The following CCDC187 variants were observed in gnomAD, a reference collection of about 807,000 sequenced individuals.
CCDC187 encodes the protein coiled-coil domain-containing protein 187.
A neutral mutation model predicts 38.0 loss-of-function variants in CCDC187; 32 were observed. That is an observed-to-expected ratio of 0.84 (90% CI 0.64 to 1.13). The LOEUF (loss-of-function observed/expected upper bound fraction) is 1.13. CCDC187 is among the 50% of genes most tolerant of loss of function. The pLI, the probability that CCDC187 is intolerant of heterozygous loss-of-function variation, is 0.00. For missense variants in CCDC187, 707 were observed against 786.8 expected (o/e 0.90, Z 1.21); for synonymous variants, 333 against 347.9 (o/e 0.96, Z 0.48).
At chr9:136,279,482 G>T (rs1830998176) in intron 10 of CCDC187, among the ~76,000 whole-genome samples, 4 of 152,204 alleles carry the variant, frequency 2.6e-5, no homozygotes, top group Admixed American at 2.6e-4. Context: ...GCCCCTTCAG[G>T]CTGCCCCTTC....
chr9:136,296,511 G>A (rs1831538757), intron 4 of CCDC187: 2 of 152,364 alleles, frequency 1.3e-5, no homozygotes, highest in Non-Finnish European at 2.9e-5. Context: ...TGGAAACTCT[G>A]TGAACCTCGG....
chr9:136,253,531 G>T lies in CCDC187; in HGVS notation c.*63C>A. On this transcript the variant is annotated 3_prime_UTR_variant, in exon 26 of 26. Coordinates refer to ENST00000638797, the MANE Select transcript of CCDC187 (RefSeq NM_001378188.1). Reference sequence around the variant, plus strand: ...CGGCCTCATCCCCTGCTGCAGAACTGCATCTACCCAACTGGTCGTCAACGC... The same window carrying T: ...CGGCCTCATCCCCTGCTGCAGAACTTCATCTACCCAACTGGTCGTCAACGC... The T allele has an allele frequency of 1.1e-6, 1 of 899,314 alleles. No homozygotes were observed. Among genetic ancestry groups the T allele is most frequent in the Non-Finnish European group, 1.3e-6 (1 of 751,314 alleles). The allele number at this position is 899,314 out of a possible 1,614,324, so 55.7% of individuals were successfully genotyped here. A position where few individuals can be genotyped will look rare whatever the true frequency, so the allele number is the denominator to read the frequency against.
chr9:136,285,437 AGGTGGG>A, intron 9 of CCDC187, 70 bp downstream of exon 9: 1 of 31,250 alleles, frequency 3.2e-5, no homozygotes, highest in African/African-American at 1.6e-4. Context: ...GCAGGTGGGC[AGGTGGG>A]CAGGTGGGCA....
chr9:136,283,054 G>A (rs1831084029), intron 9 of CCDC187, among the ~76,000 whole-genome samples: 2 of 152,178 alleles, frequency 1.3e-5, no homozygotes, highest in Non-Finnish European at 2.9e-5. Flanking sequence ...TTCGAGACCA[G>A]CCTGGCCAAT....
In CCDC187 at chr9:136,257,614, C is replaced by G. The variant is rs1830630274; in HGVS notation, c.4367-773G>C. ...ACGGGTGGGGCCACCGCAGAGCCCT[C>G]CCCAGGAGCACCAGGCCCCCCAGCA... is the stretch of plus-strand genomic sequence containing the variant. On this transcript the variant is annotated intron_variant, in intron 22 of 25. Coordinates refer to ENST00000638797, the MANE Select transcript of CCDC187 (RefSeq NM_001378188.1). This position sits in a 1 kb window ranked among gnomAD's most constrained non-coding sequence, Gnocchi z 4.5. Among the ~76,000 whole-genome samples the G allele has an allele frequency of 6.6e-6, 1 of 152,154 alleles. No homozygotes were observed. Among genetic ancestry groups the G allele is most frequent in the Admixed American group, 6.5e-5 (1 of 15,286 alleles).
At chr9:136,271,367 A>G (rs542843717) in intron 14 of CCDC187, among the ~76,000 whole-genome samples, 180 of 151,960 alleles carry the variant, frequency 1.2e-3, no homozygotes, top group African/African-American at 4.3e-3. Flanking sequence ...ACAAAAATAC[A>G]AAAATTAGCC....
At chr9:136,279,655 G>A (rs1404728913) in intron 10 of CCDC187, among the ~76,000 whole-genome samples, 4 of 152,228 alleles carry the variant, frequency 2.6e-5, no homozygotes, top group Non-Finnish European at 4.4e-5. Flanking sequence ...GTGGGAGAAC[G>A]GAGCCCCATC....
At chr9:136,259,546 G>T in intron 20 of CCDC187, 98 bp from the exon 21 acceptor site, 1 of 467,088 alleles carries the variant, frequency 2.1e-6, no homozygotes, top group Non-Finnish European at 2.8e-6. Context: ...GCCAGGGGGT[G>T]GGGGATGGGG....
At chr9:136,304,847 C>A (rs1421243147), upstream of CCDC187, among the ~76,000 whole-genome samples, 1 of 152,206 alleles carries the variant, frequency 6.6e-6, no homozygotes, top group Non-Finnish European at 1.5e-5. Context: ...TTAAGTTGAC[C>A]CTTCCCAAGT....
intron 6 of CCDC187, 31 bp downstream of exon 6, chr9:136,290,455 C>T (rs1183740036): frequency 4.0e-5 from 16 of 398,118 alleles, no homozygotes; most frequent in Admixed American, 4.0e-4. Flanking sequence ...ATGGCTGAGC[C>T]GAGTCCCCCC....
In CCDC187 at chr9:136,258,887, T is replaced by C; in HGVS notation, c.4366+45A>G. Reference sequence around the variant, plus strand: ...CAGGCTCTGCTGGATGTGGGGGAAGTGTCTGGCGCCGTGGAGGCCCACGCG... The same window carrying C: ...CAGGCTCTGCTGGATGTGGGGGAAGCGTCTGGCGCCGTGGAGGCCCACGCG... On this transcript the variant is annotated intron_variant, in intron 22 of 25. Transcript: ENST00000638797. The surrounding 1 kb of genome is among the most constrained non-coding windows in gnomAD (Gnocchi z 4.3). The C allele has an allele frequency of 3.0e-6, 3 of 985,404 alleles. No homozygotes were observed. The highest frequency in any genetic ancestry group is 3.6e-6 in the Non-Finnish European group (3 of 829,990). The allele number at this position is 985,404 out of a possible 1,614,324, so 61.0% of individuals were successfully genotyped here.
rs1227305702 is a variant in CCDC187, at chr9:136,290,756, C to G, written c.1857G>C (p.Thr619=). The change falls in exon 6 of 26, where the codon ACG becomes ACC. Residue 619 remains threonine, a synonymous_variant. Coordinates refer to ENST00000638797, the MANE Select transcript of CCDC187 (RefSeq NM_001378188.1). ...PQNPLGKEKD[T]LRPCPRSRGL... is the part of the protein sequence containing the mutation. ...CCCGGGACCTGGGGCAGGGCCGCAG[C>G]GTGTCCTTCTCCTTCCCAAGTGGGT... The G allele has an allele frequency of 2.5e-6, 1 of 398,418 alleles. No homozygotes were observed. 24.7% of individuals were successfully genotyped at this position (398,418 alleles called of 1,614,324 possible).
intron 10 of CCDC187, among the ~76,000 whole-genome samples, chr9:136,279,769 C>T (rs2131238351): frequency 6.6e-6 from 1 of 152,356 alleles, no homozygotes; most frequent in South Asian, 2.1e-4. Context: ...TGTCCCTCCT[C>T]ATGTTGAAAT....
At chr9:136,255,186 G>A (rs1267558788) in intron 25 of CCDC187, 52 bp from the exon 26 acceptor site, 9 of 915,952 alleles carry the variant, frequency 9.8e-6, no homozygotes, top group Non-Finnish European at 1.2e-5. Flanking sequence ...TGGACCCCAT[G>A]CATATCCCAC....
At chr9:136,292,606 C>T (rs1438464258) in intron 4 of CCDC187, among the ~76,000 whole-genome samples, 2 of 152,174 alleles carry the variant, frequency 1.3e-5, no homozygotes, top group East Asian at 1.9e-4. Flanking sequence ...ACAGCTCTGC[C>T]GGTGAAGCTC....
intron 14 of CCDC187, among the ~76,000 whole-genome samples, chr9:136,272,323 T>C (rs782246987): frequency 6.6e-6 from 1 of 152,252 alleles, no homozygotes; most frequent in South Asian, 2.1e-4. Flanking sequence ...ATTGGCTGTT[T>C]AAACAAAATG....
chr9:136,256,068 G>A (rs1262884445), intron 24 of CCDC187, 143 bp downstream of exon 24: 1 of 302,090 alleles, frequency 3.3e-6, no homozygotes, highest in Non-Finnish European at 4.9e-6. Context: ...GGAGGGCTCA[G>A]GGTGGGTGCA....
chr9:136,299,286 A>C (rs991548832), intron 3 of CCDC187, among the ~76,000 whole-genome samples: 2 of 152,118 alleles, frequency 1.3e-5, no homozygotes, highest in Non-Finnish European at 2.9e-5. Flanking sequence ...CACACTCCAC[A>C]TGGGAGGGAC....
At chr9:136,273,418 G>A (rs1472065440) in intron 14 of CCDC187, among the ~76,000 whole-genome samples, 3 of 152,224 alleles carry the variant, frequency 2.0e-5, no homozygotes, top group Admixed American at 6.5e-5. Context: ...TACTGCTGCG[G>A]CTAAGAGGAT....
Sources: gnomAD v4.1 joint callset for allele counts (sites outside exome capture counted in the v4.1 genomes callset) on GRCh38, gnomAD v4.1.1 for gene constraint, Gnocchi (gnomAD v3.1) non-coding constraint, MANE v1.5 for transcripts, NCBI Gene and HGNC (gene_info 2026-07-23, HGNC 2026-07-21) for gene names.